Variants in CCDC9 observed in about 807,000 individuals in gnomAD.
CCDC9 encodes the protein coiled-coil domain-containing protein 9.
CCDC9 carries 52 observed loss-of-function variants against 65.6 expected under a neutral mutation model. That is an observed-to-expected ratio of 0.79 (90% CI 0.63 to 1.00). The LOEUF is 1.00. Among genes scored for constraint, CCDC9 ranks in the 50% least tolerant of loss-of-function variants. The pLI, the probability that CCDC9 is intolerant of heterozygous loss-of-function variation, is 0.00. For missense variants in CCDC9, 834 were observed against 757.2 expected, an observed-to-expected ratio of 1.10 and a Z score of -1.19; for synonymous variants, 332 against 280.3, an observed-to-expected ratio of 1.18 and a Z score of -1.84.
At chr19:47,258,536 C>T (rs1481763057) in intron 2 of CCDC9, 23 bp from the exon 3 acceptor site, 3 of 1,609,152 alleles carry the variant, frequency 1.9e-6, no homozygotes, top group Non-Finnish European at 2.6e-6. Flanking sequence ...TCCTTCCATC[C>T]CTCAACTGCC....
In CCDC9 at chr19:47,271,851, C is replaced by T; in HGVS notation, c.*173C>T. On this transcript the variant is annotated 3_prime_UTR_variant, in exon 12 of 12. Transcript: ENST00000221922. ...CTGTCAGCTGAGGGGGTAGCGCAGC[C>T]CATGCTCTTCTGTACTGTCATGCCC... 2.1e-6 allele frequency: 3 copies of T among 1,401,468 alleles called. No individual in the cohort carries two copies. Among genetic ancestry groups the T allele is most frequent in the African/African-American group, 1.4e-5 (1 of 69,294 alleles). 86.8% of individuals were successfully genotyped at this position (1,401,468 alleles called of 1,614,324 possible). A position where few individuals can be genotyped will look rare whatever the true frequency, so the allele number is the denominator to read the frequency against.
intron 3 of CCDC9, among the ~76,000 whole-genome samples, chr19:47,259,581 T>C (rs2059031763): frequency 6.6e-6 from 1 of 152,144 alleles, no homozygotes; most frequent in African/African-American, 2.4e-5. Context: ...GTAGGTGATG[T>C]GGCTCTCCCT....
chr19:47,268,552 C>T (rs1318797028), intron 8 of CCDC9, among the ~76,000 whole-genome samples: 2 of 152,138 alleles, frequency 1.3e-5, no homozygotes, highest in African/African-American at 4.8e-5. Flanking sequence ...GAGATGTTCT[C>T]AGCATTCACA....
At chr19:47,266,508 C>T (rs1190469782) in intron 7 of CCDC9, 103 bp from the exon 8 acceptor site, 24 of 1,428,794 alleles carry the variant, frequency 1.7e-5, no homozygotes, top group African/African-American at 4.4e-5. Context: ...TCTGCCTTGT[C>T]ATCGCTTCCC....
At chr19:47,265,365 T>A (rs1283465610) in intron 7 of CCDC9, among the ~76,000 whole-genome samples, 4 of 152,140 alleles carry the variant, frequency 2.6e-5, no homozygotes, top group African/African-American at 9.7e-5. Context: ...AGGATTTTAA[T>A]TATTAAGGAT....
chr19:47,256,834 G>A (rs2059012907), intron 1 of CCDC9, among the ~76,000 whole-genome samples: 1 of 151,962 alleles, frequency 6.6e-6, no homozygotes, highest in Non-Finnish European at 1.5e-5. Context: ...GGCTGTGGGC[G>A]GGACCTAAAA....
downstream of CCDC9, chr19:47,275,109 C>T (rs2059149401): frequency 3.3e-6 from 5 of 1,493,640 alleles, no homozygotes; most frequent in East Asian, 2.9e-5. Context: ...TCCCGCGGCA[C>T]CCGCCGGCCC....
intron 8 of CCDC9, among the ~76,000 whole-genome samples, chr19:47,269,470 C>CCT (rs1260317012): frequency 6.6e-6 from 1 of 152,046 alleles, no homozygotes; most frequent in Non-Finnish European, 1.5e-5. Context: ...TCTGATTCAG[C>CCT]CTCCCGAGTA....
At chr19:47,275,017 T>C (rs1392127731), downstream of CCDC9, 2 of 1,483,690 alleles carry the variant, frequency 1.3e-6, no homozygotes, top group East Asian at 5.9e-5. Context: ...TTGGCTCCGG[T>C]ATGCGCCTAC....
intron 3 of CCDC9, among the ~76,000 whole-genome samples, chr19:47,260,011 G>A (rs2123444436): frequency 6.6e-6 from 1 of 152,306 alleles, no homozygotes; most frequent in East Asian, 1.9e-4. Flanking sequence ...AGCCTGGTAT[G>A]TTGTGGGAAT....
At chr19:47,270,256 A>G in intron 8 of CCDC9, 151 bp from the exon 9 acceptor site, 3 of 736,672 alleles carry the variant, frequency 4.1e-6, no homozygotes, top group Non-Finnish European at 6.9e-6. Context: ...GGCTTGAGCC[A>G]CCATGCCCGG....
At position 47,265,230 on chromosome 19, in the gene CCDC9, T is replaced by C. The variant is rs189247332; in HGVS notation, c.720+284T>C. Among the ~76,000 whole-genome samples the C allele has an allele frequency of 1.5e-3, 236 of 152,262 alleles. 3 individuals are homozygous for C. In the East Asian group the frequency reaches 0.026, roughly 17 times the overall value. The stretch of plus-strand genomic sequence containing the variant: ...CCACCACACCTGGCTAATTTTTTCG[T>C]ATTTTGTAGAGACGGGGTTTCACCA... On this transcript the variant is annotated intron_variant, in intron 7 of 11. Transcript: ENST00000221922.
At chr19:47,274,984 G>GCC, downstream of CCDC9, 2 of 1,463,834 alleles carry the variant, frequency 1.4e-6, no homozygotes, top group Non-Finnish European at 1.8e-6. Flanking sequence ...CTGAGCGAGG[G>GCC]CCCGCGGGGG....
intron 8 of CCDC9, among the ~76,000 whole-genome samples, chr19:47,269,574 G>A (rs557972318): frequency 1.3e-5 from 2 of 152,206 alleles, no homozygotes; most frequent in South Asian, 4.1e-4. Flanking sequence ...CCTGGCCTCA[G>A]GTGATCCGCC....
At position 47,257,194 on chromosome 19, in the gene CCDC9, A is replaced by G. The variant is rs1050419671; in HGVS notation, c.-72+585A>G. 4.0e-5 allele frequency among the ~76,000 whole-genome samples: 6 copies of G among 150,832 alleles called. 1 individual carries two copies. The highest frequency in any genetic ancestry group is 4.0e-4 in the East Asian group (2 of 5,056). On this transcript the variant is annotated intron_variant, in intron 1 of 11. Transcript: ENST00000221922. ...CCCTGGGGAAGCCATGGGCGGGGCC[A>G]GATGCTGACGCAACGAGGTGTGGGA...
chr19:47,266,317 C>T, intron 7 of CCDC9: 1 of 359,390 alleles, frequency 2.8e-6, no homozygotes, highest in East Asian at 4.5e-5. Context: ...GGAGGCAGAG[C>T]CCCTGCCTTG....
intron 1 of CCDC9, 110 bp from the exon 2 acceptor site, chr19:47,258,220 T>C (rs2059023361): frequency 1.6e-6 from 1 of 639,374 alleles, no homozygotes; most frequent in South Asian, 1.9e-5. Context: ...TACAATTCTC[T>C]TGGGGTACAG....
downstream of CCDC9, chr19:47,273,904 G>T: frequency 1.1e-6 from 1 of 908,396 alleles, no homozygotes. Flanking sequence ...TGTGGCGGAA[G>T]AGGCGGAAGG....
chr19:47,260,446 G>T, intron 4 of CCDC9, 24 bp downstream of exon 4: 1 of 1,608,792 alleles, frequency 6.2e-7, no homozygotes. Context: ...TGGGGTGTGG[G>T]ACCCTGAGGA....
Sources: gnomAD v4.1 joint callset for allele counts (sites outside exome capture counted in the v4.1 genomes callset) on GRCh38, gnomAD v4.1.1 for gene constraint, MANE v1.5 for transcripts, NCBI Gene and HGNC (gene_info 2026-07-23, HGNC 2026-07-21) for gene names.